CDC42BPA: variants seen among roughly 807,000 people sequenced by gnomAD.
CDC42BPA encodes the protein CDC42 binding protein kinase alpha.
A neutral mutation model predicts 223.5 loss-of-function variants in CDC42BPA; 80 were observed. That is an observed-to-expected ratio of 0.36 (90% CI 0.30 to 0.43). The LOEUF is 0.43. Among genes scored for constraint, CDC42BPA ranks in the 20% least tolerant of loss-of-function variants. The pLI is 1.00. For missense variants in CDC42BPA, 1,743 were observed against 2,099.9 expected (o/e 0.83, Z 3.32); for synonymous variants, 694 against 718.6 (o/e 0.97, Z 0.55).
intron 21 of CDC42BPA, among the ~76,000 whole-genome samples, chr1:227,065,156 G>C (rs1436086096): frequency 2.0e-5 from 3 of 150,500 alleles, no homozygotes; most frequent in Non-Finnish European, 4.4e-5. Context: ...CTGTCCTAAA[G>C]AATATTTTAC....
At chr1:227,232,749 T>C (rs1026107247) in intron 2 of CDC42BPA, among the ~76,000 whole-genome samples, 1 of 152,194 alleles carries the variant, frequency 6.6e-6, no homozygotes, top group East Asian at 1.9e-4. Flanking sequence ...ACGGCTAATA[T>C]TGCTGTCTGA....
At chr1:227,020,744 A>C (rs1485927087) in intron 32 of CDC42BPA, among the ~76,000 whole-genome samples, 2 of 152,166 alleles carry the variant, frequency 1.3e-5, no homozygotes, top group South Asian at 2.1e-4. Flanking sequence ...ACAGCACTTT[A>C]TTTCTTTCAA....
intron 1 of CDC42BPA, among the ~76,000 whole-genome samples, chr1:227,303,677 C>T (rs1448621282): frequency 6.6e-6 from 1 of 152,180 alleles, no homozygotes; most frequent in Non-Finnish European, 1.5e-5. Flanking sequence ...AGGTCCTCAG[C>T]TTTCACCACT....
chr1:227,147,187 A>G (rs1198991256), intron 7 of CDC42BPA, among the ~76,000 whole-genome samples, 172 bp downstream of exon 7: 6 of 152,178 alleles, frequency 3.9e-5, no homozygotes, highest in Non-Finnish European at 1.5e-5. Context: ...GAAAATTAGA[A>G]CTAATAACTT....
chr1:227,040,590 T>A (rs1276211517), intron 23 of CDC42BPA, among the ~76,000 whole-genome samples: 1 of 152,222 alleles, frequency 6.6e-6, no homozygotes, highest in African/African-American at 2.4e-5. Flanking sequence ...AAATATTGCA[T>A]ATTTATACTG....
At chr1:227,181,589 G>C (rs1487010314) in intron 5 of CDC42BPA, among the ~76,000 whole-genome samples, 2 of 151,784 alleles carry the variant, frequency 1.3e-5, no homozygotes, top group African/African-American at 4.8e-5. Context: ...GCAGCTTTTT[G>C]TTTTAAACCT....
chr1:227,281,772 C>T (rs755951724), intron 1 of CDC42BPA, among the ~76,000 whole-genome samples: 9 of 152,148 alleles, frequency 5.9e-5, no homozygotes, highest in Non-Finnish European at 1.0e-4. Flanking sequence ...ATCAGCACTG[C>T]CCAAAGACTC....
chr1:227,270,767 C>G (rs560604802), intron 1 of CDC42BPA, among the ~76,000 whole-genome samples: 1 of 152,132 alleles, frequency 6.6e-6, no homozygotes, highest in South Asian at 2.1e-4. Flanking sequence ...CATCCCATGC[C>G]TGGTAACCAC....
rs1677897340 is a variant in CDC42BPA, at chr1:227,069,788, C to T, written c.2893G>A (p.Asp965Asn). The stretch of plus-strand genomic sequence containing the variant: ...TGTTTAATACTTACTTCAAATTGAT[C>T]CAGAGCATCGGTAGGCGTATTCAAA... ...AFLNTPTDAL[D>N]QFETDPVENT... The change falls in exon 21 of 37, where the codon GAT becomes AAT. Residue 965 changes from aspartate to asparagine, a missense_variant. Coordinates refer to ENST00000366766, the MANE Select transcript of CDC42BPA (RefSeq NM_001394014.1). 1.2e-6 allele frequency: 2 copies of T among 1,607,348 alleles called. No individual in the cohort carries two copies. Among genetic ancestry groups the T allele is most frequent in the Non-Finnish European group, 1.7e-6 (2 of 1,174,704 alleles).
intron 1 of CDC42BPA, among the ~76,000 whole-genome samples, chr1:227,290,545 C>G (rs1689526596): frequency 6.6e-6 from 1 of 152,036 alleles, no homozygotes; most frequent in African/African-American, 2.4e-5. Context: ...CCTAGATATA[C>G]AAGAAATGAT....
At chr1:227,179,958 A>G (rs1667661415) in intron 5 of CDC42BPA, among the ~76,000 whole-genome samples, 1 of 152,180 alleles carries the variant, frequency 6.6e-6, no homozygotes, top group Non-Finnish European at 1.5e-5. Flanking sequence ...CTGTAATCCC[A>G]GTACTTTGGG....
At position 227,213,848 on chromosome 1, in the gene CDC42BPA, A is replaced by G. The variant is rs191416836; in HGVS notation, c.271-629T>C. Among the ~76,000 whole-genome samples the G allele has an allele frequency of 2.0e-3, 299 of 152,334 alleles. 1 individual carries two copies. In the South Asian group the frequency reaches 0.022, roughly 11 times the overall value. The stretch of plus-strand genomic sequence containing the variant: ...ACACATCCCTTCCAAAAAGAAAAAA[A>G]AAGGAACATCTATTTCTGTATTTTA... On this transcript the variant is annotated intron_variant, in intron 2 of 36. Coordinates refer to ENST00000366766, the MANE Select transcript of CDC42BPA (RefSeq NM_001394014.1).
chr1:227,080,265 A>G (rs1444885161), intron 17 of CDC42BPA, among the ~76,000 whole-genome samples: 2 of 152,138 alleles, frequency 1.3e-5, no homozygotes, highest in Non-Finnish European at 2.9e-5. Flanking sequence ...TACAGTCTTC[A>G]TTAGATTCTA....
intron 15 of CDC42BPA, 59 bp from the exon 16 acceptor site, chr1:227,092,050 A>C (rs1242128200): frequency 1.1e-6 from 1 of 951,268 alleles, no homozygotes; most frequent in Non-Finnish European, 1.6e-6. Context: ...TGAAAACTTG[A>C]AATTATTTTT....
At chr1:227,286,298 G>A (rs1208663106) in intron 1 of CDC42BPA, among the ~76,000 whole-genome samples, 1 of 152,046 alleles carries the variant, frequency 6.6e-6, no homozygotes, top group Non-Finnish European at 1.5e-5. Context: ...CGAATGCTTT[G>A]GTGCTTAGAA....
chr1:227,119,063 A>G (rs1273309587), intron 12 of CDC42BPA, among the ~76,000 whole-genome samples: 2 of 152,234 alleles, frequency 1.3e-5, no homozygotes, highest in African/African-American at 2.4e-5. Flanking sequence ...CTATATTATC[A>G]GTGCATTATA....
chr1:227,209,770 T>C (rs974846639), intron 3 of CDC42BPA, among the ~76,000 whole-genome samples: 1 of 150,044 alleles, frequency 6.7e-6, no homozygotes, highest in African/African-American at 2.5e-5. Flanking sequence ...AGTATTTTAT[T>C]GAGGATTTTT....
chr1:227,020,526 A>C (rs542038885), intron 32 of CDC42BPA, among the ~76,000 whole-genome samples: 31 of 152,164 alleles, frequency 2.0e-4, no homozygotes, highest in Non-Finnish European at 4.0e-4. Context: ...CCTTCCTTAA[A>C]TCTCATAAGC....
chr1:227,317,485 A>G lies in CDC42BPA; in HGVS notation c.-303T>C, dbSNP rs1694590393. On this transcript the variant is annotated 5_prime_UTR_variant, in exon 1 of 37. Transcript: ENST00000366766. Reference sequence around the variant, plus strand: ...TAAATAAAATAATAATTAAAAGTACAACGAACTAGAGAGTCAACACTTCTT... The same window carrying G: ...TAAATAAAATAATAATTAAAAGTACGACGAACTAGAGAGTCAACACTTCTT... 1 of 398,500 alleles carries G rather than the reference A, an allele frequency of 2.5e-6. No homozygotes were observed. Among genetic ancestry groups the G allele is most frequent in the South Asian group, 1.3e-4 (1 of 7,856 alleles). 24.7% of individuals were successfully genotyped at this position (398,500 alleles called of 1,614,324 possible).
Sources: gnomAD v4.1 joint callset for allele counts (sites outside exome capture counted in the v4.1 genomes callset) on GRCh38, gnomAD v4.1.1 for gene constraint, MANE v1.5 for transcripts, NCBI Gene and HGNC (gene_info 2026-07-23, HGNC 2026-07-21) for gene names.